The following MFSD11 variants were observed in gnomAD, a reference collection of about 807,000 sequenced individuals.
MFSD11 encodes the protein UNC93-like protein MFSD11.
Under a neutral mutation model 53.5 loss-of-function variants are expected in MFSD11, and 36 were observed. The ratio of observed to expected loss-of-function variants is 0.67; its 90% CI spans 0.52 to 0.89. MFSD11 has a LOEUF of 0.89. Among genes scored for constraint, MFSD11 ranks in the 40% least tolerant of loss-of-function variants. The probability of loss-of-function intolerance (pLI) is 0.00; values close to 1 mark genes in which losing one functional copy is unlikely to be tolerated. For missense variants in MFSD11, 530 were observed against 543.9 expected (o/e 0.97, Z 0.25); for synonymous variants, 186 against 184.9 (o/e 1.01, Z -0.05).
chr17:76,740,590 G>A (rs1052565406), intron 2 of MFSD11, among the ~76,000 whole-genome samples: 4 of 150,710 alleles, frequency 2.7e-5, no homozygotes, highest in African/African-American at 1.0e-4. Flanking sequence ...TAATCCCACT[G>A]TATTTCCTTT....
chr17:76,745,025 A>G lies in MFSD11; in HGVS notation c.641+559A>G, dbSNP rs926485151. On this transcript the variant is annotated intron_variant, in intron 7 of 12. Transcript: ENST00000685175. ...TGAGTATACAACCCTGTGTTTTGTA[A>G]AAATTGTAAATTACCTAAGCACATT... Among the ~76,000 whole-genome samples, 13 of 152,198 alleles carry G rather than the reference A, an allele frequency of 8.5e-5. No homozygotes were observed. In the East Asian group the frequency reaches 1.9e-3, roughly 22 times the overall value.
At chr17:76,789,629 T>G in the MFSD11 span, among the ~76,000 whole-genome samples, 1 of 149,822 alleles carries the variant, frequency 6.7e-6, no homozygotes, top group Non-Finnish European at 1.5e-5. Context: ...AGCGACACAG[T>G]TTAACAACTG....
At chr17:76,802,475 C>A in the MFSD11 span, among the ~76,000 whole-genome samples, 1 of 152,166 alleles carries the variant, frequency 6.6e-6, no homozygotes, top group Non-Finnish European at 1.5e-5. Flanking sequence ...TAGAAATTTA[C>A]TTTCACAAAG....
chr17:76,769,421 A>G (rs2081183463), intron 9 of MFSD11: 1 of 179,804 alleles, frequency 5.6e-6, no homozygotes. Context: ...TCTATTTATA[A>G]GGGCACTAAT....
At position 76,769,577 on chromosome 17, in the gene MFSD11, A is replaced by G. The variant is rs1046105126; in HGVS notation, c.749-169A>G. Reference sequence around the variant, plus strand: ...TAGTCCATAGCATGAAGCTAATTCCATTTCATCAGTTACATCACATTATGC... The same window carrying G: ...TAGTCCATAGCATGAAGCTAATTCCGTTTCATCAGTTACATCACATTATGC... On this transcript the variant is annotated intron_variant, in intron 9 of 12. Transcript: ENST00000685175. 5.9e-6 allele frequency: 3 copies of G among 508,376 alleles called. No homozygotes were observed. In the African/African-American group the frequency reaches 6.0e-5, roughly 10 times the overall value. 31.5% of individuals were successfully genotyped at this position (508,376 alleles called of 1,614,324 possible). A position where few individuals can be genotyped will look rare whatever the true frequency, so the allele number is the denominator to read the frequency against.
At chr17:76,741,312 A>G (rs182843616) in intron 3 of MFSD11, among the ~76,000 whole-genome samples, 626 of 152,326 alleles carry the variant, frequency 4.1e-3, no homozygotes, top group Non-Finnish European at 6.3e-3. Flanking sequence ...TGAAAAGAAC[A>G]TTCTATGAAA....
intron 8 of MFSD11, among the ~76,000 whole-genome samples, chr17:76,758,496 T>C (rs1241945723): frequency 3.3e-5 from 5 of 150,884 alleles, no homozygotes; most frequent in Admixed American, 1.3e-4. Flanking sequence ...GGTGGAAGGA[T>C]TGCTTGGGCC....
chr17:76,769,153 G>A (rs2081158043), intron 9 of MFSD11: 1 of 152,288 alleles, frequency 6.6e-6, no homozygotes, highest in Non-Finnish European at 1.5e-5. Context: ...GTTCATTTGA[G>A]TTGTATACTT....
chr17:76,744,375 A>G lies in MFSD11; in HGVS notation c.550A>G (p.Thr184Ala). ...IALTVISLVGTVLFFLIRKPD... is the reference protein window; with the variant it reads ...IALTVISLVGAVLFFLIRKPD... ...CCTAACGGTGATTAGCCTTGTGGGG[A>G]CAGTTCTATTCTTTCTCATTCGGAA... is the stretch of plus-strand genomic sequence containing the variant. The change falls in exon 7 of 13, where the codon ACA becomes GCA. Residue 184 changes from threonine to alanine, a missense_variant. Physicochemically the swap from Thr to Ala is moderately conservative, Grantham distance 58. Transcript: ENST00000685175. The G allele has an allele frequency of 6.2e-7, 1 of 1,614,052 alleles. No individual in the cohort carries two copies. The highest frequency in any genetic ancestry group is 1.7e-4 in the Middle Eastern group (1 of 6,058).
intron 6 of MFSD11, among the ~76,000 whole-genome samples, chr17:76,743,918 T>G (rs2078318703): frequency 1.3e-5 from 2 of 152,152 alleles, no homozygotes. Flanking sequence ...CCCAGCCTGG[T>G]TTCTATTACT....
intron 7 of MFSD11, among the ~76,000 whole-genome samples, chr17:76,748,750 G>C (rs1230816849): frequency 6.6e-6 from 1 of 151,918 alleles, no homozygotes; most frequent in Non-Finnish European, 1.5e-5. Flanking sequence ...TTATTAGCTG[G>C]GTGATCTCTG....
intron 8 of MFSD11, among the ~76,000 whole-genome samples, chr17:76,758,581 CAAAAAA>C (rs56750819): frequency 1.7e-5 from 1 of 58,054 alleles, no homozygotes; most frequent in Non-Finnish European, 3.7e-5. Flanking sequence ...GACCAGGTCT[CAAAAAA>C]AAAAAAAAAA....
At chr17:76,784,570 A>G (rs570330558), downstream of MFSD11, among the ~76,000 whole-genome samples, 3 of 151,746 alleles carry the variant, frequency 2.0e-5, no homozygotes, top group East Asian at 3.9e-4. Context: ...TGGTTTCTCC[A>G]TACGATGGAA....
At chr17:76,796,878 G>A in the MFSD11 span, among the ~76,000 whole-genome samples, 1 of 147,466 alleles carries the variant, frequency 6.8e-6, no homozygotes, top group African/African-American at 2.5e-5. Flanking sequence ...TACTTGGAAA[G>A]CTGAGGCTCG....
the MFSD11 span, among the ~76,000 whole-genome samples, chr17:76,802,385 C>T: frequency 6.6e-6 from 1 of 152,298 alleles, no homozygotes; most frequent in African/African-American, 2.4e-5. Context: ...TAAAATGGTA[C>T]ATCTATTTTG....
At chr17:76,797,302 G>T in the MFSD11 span, among the ~76,000 whole-genome samples, 1 of 152,172 alleles carries the variant, frequency 6.6e-6, no homozygotes, top group African/African-American at 2.4e-5. Flanking sequence ...GCAAGGGATG[G>T]ATTTTTTAAG....
At position 76,769,881 on chromosome 17, in the gene MFSD11, A is replaced by T. The variant is rs201011684; in HGVS notation, c.874+10A>T. The T allele has an allele frequency of 7.9e-5, 126 of 1,597,556 alleles. No homozygotes were observed. Among genetic ancestry groups the T allele is most frequent in the Non-Finnish European group, 1.0e-4 (123 of 1,174,472 alleles). On this transcript the variant is annotated intron_variant, in intron 10 of 12. Coordinates refer to ENST00000685175, the MANE Select transcript of MFSD11 (RefSeq NM_001242532.5). The stretch of plus-strand genomic sequence containing the variant: ...ATTGGAGAAATTTTAGGTTGGTTTT[A>T]AAAAAAAGCGTTTGCATTAAAAATA...
chr17:76,737,356 C>G (rs765830002), upstream of MFSD11: 2 of 648,568 alleles, frequency 3.1e-6, no homozygotes, highest in Non-Finnish European at 4.9e-6. Context: ...CCTCTGCGCC[C>G]GTTTATATCG....
At position 76,755,791 on chromosome 17, in the gene MFSD11, CAT is replaced by C. The variant is rs71158064; in HGVS notation, c.682+1725_682+1726del. Among the ~76,000 whole-genome samples the C allele has an allele frequency of 7.0e-3, 112 of 16,102 alleles. 4 individuals are homozygous for C. The highest frequency in any genetic ancestry group is 0.025 in the African/African-American group (105 of 4,254). 10.6% of individuals were successfully genotyped at this position (16,102 alleles called of 152,430 possible). Reference sequence around the variant, plus strand: ...GTACGTGTGTGTGTGTGTGTGTATACATATATATATATATATATATATTTTTT... The same window carrying C: ...GTACGTGTGTGTGTGTGTGTGTATACATATATATATATATATATATTTTTT... On this transcript the variant is annotated intron_variant, in intron 8 of 12. Transcript: ENST00000685175.
Sources: allele counts gnomAD v4.1 joint callset (sites outside exome capture counted in the v4.1 genomes callset), GRCh38; gene constraint gnomAD v4.1.1; transcripts MANE v1.5; gene names NCBI Gene and HGNC (gene_info 2026-07-23, HGNC 2026-07-21).